Variants in SUPT5H observed in about 807,000 individuals in gnomAD.
SUPT5H encodes the protein transcription elongation factor SPT5.
Under a neutral mutation model 142.5 loss-of-function variants are expected in SUPT5H, and 24 were observed. The observed-to-expected ratio is 0.17, with a 90% CI of 0.12 to 0.24. The LOEUF (loss-of-function observed/expected upper bound fraction) is 0.24. Among genes scored for constraint, SUPT5H ranks in the 10% least tolerant of loss-of-function variants. The pLI is 1.00. For synonymous variants in SUPT5H, 546 were observed against 553.0 expected (o/e 0.99, Z 0.18); for missense variants, 893 against 1,471.8 (o/e 0.61, Z 6.43).
At chr19:39,461,379 G>A (rs2079159106) in intron 10 of SUPT5H, among the ~76,000 whole-genome samples, 3 of 152,204 alleles carry the variant, frequency 2.0e-5, no homozygotes, top group South Asian at 4.2e-4. Context: ...TGTGGGGTAT[G>A]ATTCCCCAAC....
intron 11 of SUPT5H, among the ~76,000 whole-genome samples, chr19:39,465,728 G>C (rs10426543): frequency 0.44 from 66,462 of 152,022 alleles, 15,410 homozygotes; most frequent in African/African-American, 0.59. Flanking sequence ...AGAAACCCGG[G>C]AATAGCCTGG....
rs2079330259 is a variant in SUPT5H, at chr19:39,472,201, T to A, written c.1951-208T>A. On this transcript the variant is annotated intron_variant, in intron 20 of 29. Coordinates refer to ENST00000432763, the MANE Select transcript of SUPT5H (RefSeq NM_001111020.3). The surrounding 1 kb of genome is among the most constrained non-coding windows in gnomAD (Gnocchi z 4.2). ...GAGACCTGAATGAAGGGATGGAGAG[T>A]GAGCATTTTGGGGGAACAGCAAGTG... 6.6e-6 allele frequency among the ~76,000 whole-genome samples: 1 copy of A among 151,432 alleles called. No homozygotes were observed. Among genetic ancestry groups the A allele is most frequent in the Non-Finnish European group, 1.5e-5 (1 of 67,828 alleles).
In SUPT5H at chr19:39,473,509, A is replaced by G. The variant is rs751289280; in HGVS notation, c.2480A>G (p.Asn827Ser). 10 of 1,610,230 alleles carry G rather than the reference A, an allele frequency of 6.2e-6. No homozygotes were observed. In the South Asian group the frequency reaches 7.7e-5, roughly 12 times the overall value. Residue 827 changes from asparagine (N) to serine (S), a missense_variant, in exon 25 of 30, where the codon AAC becomes AGC. By Grantham distance (46) the Asn-to-Ser change is conservative. Transcript: ENST00000432763. This position sits in a 1 kb window ranked among gnomAD's most constrained non-coding sequence, Gnocchi z 5.8. ...GGGGCCTGGGACCCCAACAACCCCA[A>G]CACGCCGTCACGGTGAGTCCAGGGT... ...QSGAWDPNNP[N>S]TPSRAEEEYE...
chr19:39,476,197 G>A, intron 29 of SUPT5H, 21 bp downstream of exon 29: 3 of 1,614,092 alleles, frequency 1.9e-6, no homozygotes, highest in Non-Finnish European at 2.5e-6. Context: ...GGGGCAAGGA[G>A]ATAAGATGGG....
Position 39,458,748 on chromosome 19 carries a change from C to A in SUPT5H, c.320-70C>A. On this transcript the variant is annotated intron_variant, in intron 5 of 29. Transcript: ENST00000432763. The surrounding 1 kb of genome is among the most constrained non-coding windows in gnomAD (Gnocchi z 4.2). ...CCAAACCCTGGCCCTCTTAGCTGCACGCTCCTATTTTCTCCAGGCCCCTGC... is the reference window on the plus strand; with the variant it reads ...CCAAACCCTGGCCCTCTTAGCTGCAAGCTCCTATTTTCTCCAGGCCCCTGC... 1 of 1,439,704 alleles carries A rather than the reference C, an allele frequency of 6.9e-7. No individual in the cohort carries two copies. The highest frequency in any genetic ancestry group is 9.5e-7 in the Non-Finnish European group (1 of 1,055,814). The allele number at this position is 1,439,704 out of a possible 1,614,324, so 89.2% of individuals were successfully genotyped here. A position where few individuals can be genotyped will look rare whatever the true frequency, so the allele number is the denominator to read the frequency against.
intron 8 of SUPT5H, 109 bp downstream of exon 8, chr19:39,459,358 C>A: frequency 7.1e-7 from 1 of 1,406,528 alleles, no homozygotes; most frequent in Non-Finnish European, 9.9e-7. Flanking sequence ...GTCACACAGG[C>A]AGTGTGGTGG....
At chr19:39,475,250 A>T (rs996739591) in intron 28 of SUPT5H, 5 of 137,690 alleles carry the variant, frequency 3.6e-5, no homozygotes, top group Admixed American at 2.1e-4. Flanking sequence ...AAAAAAAAAA[A>T]GCTGGGCATA....
Position 39,476,312 on chromosome 19 carries a change from T to C in SUPT5H, c.3177T>C (p.Asp1059=). The part of the protein sequence containing the change: ...REATGVLLSI[D]GEDGIVRMDL... ...CCACGGGCGTCCTACTGAGCATTGA[T>C]GGTGAGGATGGCATTGTCCGTATGG... Residue 1059 remains aspartate (D), a synonymous_variant, in exon 30 of 30, where the codon GAT becomes GAC. Coordinates refer to ENST00000432763, the MANE Select transcript of SUPT5H (RefSeq NM_001111020.3). 1 of 1,614,120 alleles carries C rather than the reference T, an allele frequency of 6.2e-7. No individual in the cohort carries two copies. The highest frequency in any genetic ancestry group is 8.5e-7 in the Non-Finnish European group (1 of 1,180,018).
At chr19:39,459,158 C>T (rs771857850) in intron 7 of SUPT5H, 26 bp from the exon 8 acceptor site, 1 of 1,609,634 alleles carries the variant, frequency 6.2e-7, no homozygotes, top group Non-Finnish European at 8.5e-7. Flanking sequence ...AGCTTCACCC[C>T]TTCCTGACTG....
intron 3 of SUPT5H, among the ~76,000 whole-genome samples, chr19:39,453,931 C>G (rs1310941432): frequency 1.3e-5 from 2 of 151,638 alleles, no homozygotes; most frequent in Admixed American, 1.3e-4. Flanking sequence ...GAATCATCTT[C>G]TGAAATGCAT....
intron 10 of SUPT5H, among the ~76,000 whole-genome samples, chr19:39,461,838 A>AAT (rs1555744268): frequency 2.7e-4 from 37 of 138,496 alleles, no homozygotes; most frequent in African/African-American, 6.3e-4. Flanking sequence ...AAAAAAAAAA[A>AAT]AATAATAATA....
chr19:39,446,599 G>T (rs1189034572), intron 2 of SUPT5H, among the ~76,000 whole-genome samples: 2 of 152,170 alleles, frequency 1.3e-5, no homozygotes, highest in African/African-American at 4.8e-5. Flanking sequence ...TGTGTCCGCC[G>T]TGTTCAGGGA....
At chr19:39,461,869 G>T (rs2079167782) in intron 10 of SUPT5H, among the ~76,000 whole-genome samples, 1 of 151,304 alleles carries the variant, frequency 6.6e-6, no homozygotes, top group South Asian at 2.1e-4. Flanking sequence ...AAAGAAGTGT[G>T]CTCAAATCCT....
At chr19:39,475,231 A>T (rs1482536018) in intron 28 of SUPT5H, 1 of 106,384 alleles carries the variant, frequency 9.4e-6, no homozygotes, top group Non-Finnish European at 2.2e-5. Context: ...AATACAAAAA[A>T]AAAAAAAAAA....
chr19:39,449,054 C>T (rs1374953716), intron 2 of SUPT5H, among the ~76,000 whole-genome samples: 1 of 108,348 alleles, frequency 9.2e-6, no homozygotes, highest in African/African-American at 3.2e-5. Flanking sequence ...CGCACCATTG[C>T]ACTCCAGCCT....
chr19:39,445,831 G>T lies in SUPT5H; in HGVS notation c.-60G>T. On this transcript the variant is annotated 5_prime_UTR_variant, in exon 2 of 30. Transcript: ENST00000432763. ...AACCAGCGGGGAAACTGAGGCTCGG[G>T]GTGGAGCGCAGGATTGTGGGACGCG... 1.3e-6 allele frequency: 2 copies of T among 1,585,922 alleles called. No homozygotes were observed. The highest frequency in any genetic ancestry group is 1.7e-6 in the Non-Finnish European group (2 of 1,163,006).
rs116991260 is a variant in SUPT5H at position 39,447,952 on chromosome 19, G to A, written c.75+1987G>A. Reference sequence around the variant, plus strand: ...ATTGGCTGTTAAATTAGTTGCCAATGCTTGTGAGGGAGATTTAACATAAAG... The same window carrying A: ...ATTGGCTGTTAAATTAGTTGCCAATACTTGTGAGGGAGATTTAACATAAAG... On this transcript the variant is annotated intron_variant, in intron 2 of 29. Transcript: ENST00000432763. Among the ~76,000 whole-genome samples, 179 of 152,322 alleles carry A rather than the reference G, an allele frequency of 1.2e-3. 2 individuals carry two copies. In the East Asian group the frequency reaches 0.024, roughly 21 times the overall value.
rs2079338199 is a variant in SUPT5H at position 39,472,684 on chromosome 19, A to G, written c.2036-126A>G. The G allele has an allele frequency of 7.6e-6, 11 of 1,450,614 alleles. No homozygotes were observed. The highest frequency in any genetic ancestry group is 2.7e-5 in the South Asian group (2 of 73,622). 89.9% of individuals were successfully genotyped at this position (1,450,614 alleles called of 1,614,324 possible). On this transcript the variant is annotated intron_variant, in intron 21 of 29. Coordinates refer to ENST00000432763, the MANE Select transcript of SUPT5H (RefSeq NM_001111020.3). This position sits in a 1 kb window ranked among gnomAD's most constrained non-coding sequence, Gnocchi z 4.2. Reference sequence around the variant, plus strand: ...GGCTTCCATAGGAAAGCCATGGGGCAGGGGTGGGCAGAGGAGGCTCTTAAC... The same window carrying G: ...GGCTTCCATAGGAAAGCCATGGGGCGGGGGTGGGCAGAGGAGGCTCTTAAC...
chr19:39,454,670 T>A (rs978863523), intron 3 of SUPT5H, among the ~76,000 whole-genome samples: 1 of 152,170 alleles, frequency 6.6e-6, no homozygotes, highest in Non-Finnish European at 1.5e-5. Flanking sequence ...TTTTTTATAT[T>A]TACGGCCAAA....
Sources: allele counts gnomAD v4.1 joint callset (sites outside exome capture counted in the v4.1 genomes callset), GRCh38; gene constraint gnomAD v4.1.1; non-coding constraint Gnocchi (gnomAD v3.1); transcripts MANE v1.5; gene names NCBI Gene and HGNC (gene_info 2026-07-23, HGNC 2026-07-21).